PEDS1: variants seen among roughly 807,000 people sequenced by gnomAD.
PEDS1 encodes CarF homolog.
In PEDS1, 14 loss-of-function variants were observed where a neutral mutation model predicts 35.2. That is an observed-to-expected ratio of 0.40 (90% CI 0.26 to 0.62). The LOEUF (loss-of-function observed/expected upper bound fraction) is 0.62, where lower values mean the gene tolerates loss of function less well. PEDS1 is among the 20% of genes least tolerant of loss of function. The probability of loss-of-function intolerance (pLI) is 0.44; values close to 1 mark genes in which losing one functional copy is unlikely to be tolerated. For missense variants in PEDS1, 260 were observed against 367.8 expected, an observed-to-expected ratio of 0.71 and a Z score of 2.40; for synonymous variants, 152 against 152.0, an observed-to-expected ratio of 1.00 and a Z score of 0.00.
chr20:50,124,946 AG>A lies in PEDS1; in HGVS notation c.*111del, dbSNP rs1406015517. 2.0e-6 allele frequency: 3 copies of A among 1,467,356 alleles called. No homozygotes were observed. In the African/African-American group the frequency reaches 4.2e-5, roughly 21 times the overall value. 90.9% of individuals were successfully genotyped at this position (1,467,356 alleles called of 1,614,324 possible). ...GGGCTGGGGTACCTGGGCCCAGCCC[AG>A]GAGATGTCCTCTCCATCTGGAGGGG... On this transcript the variant is annotated 3_prime_UTR_variant, in exon 6 of 6. Transcript: ENST00000371652.
At position 50,124,548 on chromosome 20, in the gene PEDS1, T is replaced by C. The variant is rs2081078945; in HGVS notation, c.*510A>G. 6.4e-6 allele frequency: 1 copy of C among 155,332 alleles called. No individual in the cohort carries two copies. Among genetic ancestry groups the C allele is most frequent in the African/African-American group, 2.4e-5 (1 of 41,498 alleles). 9.6% of individuals were successfully genotyped at this position (155,332 alleles called of 1,614,324 possible). ...GACCCCTGCTGAGCTTCACCATCCT[T>C]GGGGGACAGGCTAGGCTGAAGGTGG... On this transcript the variant is annotated 3_prime_UTR_variant, in exon 6 of 6. Coordinates refer to ENST00000371652, the MANE Select transcript of PEDS1 (RefSeq NM_199129.4).
At chr20:50,153,126 T>C (rs1458001091) in intron 1 of PEDS1, among the ~76,000 whole-genome samples, 4 of 149,170 alleles carry the variant, frequency 2.7e-5, no homozygotes, top group Non-Finnish European at 5.9e-5. Context: ...GGGCAGTGCT[T>C]ACAGCTGAAG....
intron 2 of PEDS1, among the ~76,000 whole-genome samples, chr20:50,136,138 C>A (rs749993934): frequency 6.6e-6 from 1 of 152,150 alleles, no homozygotes; most frequent in African/African-American, 2.4e-5. Flanking sequence ...CTTATAACTA[C>A]CAGGCCCCGT....
At chr20:50,147,016 G>C (rs924408474) in intron 1 of PEDS1, among the ~76,000 whole-genome samples, 5 of 152,174 alleles carry the variant, frequency 3.3e-5, no homozygotes, top group Non-Finnish European at 2.9e-5. Flanking sequence ...GAGAGGCGGT[G>C]AGAAGGAAAG....
intron 2 of PEDS1, among the ~76,000 whole-genome samples, chr20:50,135,902 G>A (rs1172597190): frequency 6.6e-6 from 1 of 152,134 alleles, no homozygotes; most frequent in African/African-American, 2.4e-5. Flanking sequence ...ATCAGCAGTG[G>A]TTCACCATTT....
Position 50,121,240 on chromosome 20 carries a change from C to T in PEDS1, c.*3818G>A, listed in dbSNP as rs897366682. ...TCCAGGTCATCCCAGTCCCCAGCGT[C>T]AGCGGCCCTTTCTCAGGCATGCTGC... On this transcript the variant is annotated 3_prime_UTR_variant, in exon 6 of 6. Coordinates refer to ENST00000371652, the MANE Select transcript of PEDS1 (RefSeq NM_199129.4). 2 of 152,300 alleles carry T rather than the reference C, an allele frequency of 1.3e-5. No homozygotes were observed. Among genetic ancestry groups the T allele is most frequent in the African/African-American group, 2.4e-5 (1 of 41,456 alleles). 9.4% of individuals were successfully genotyped at this position (152,300 alleles called of 1,614,324 possible).
rs1433817654 is a variant in PEDS1, at chr20:50,128,077, G to A, written c.589C>T (p.Arg197Cys). 15 of 1,614,220 alleles carry A rather than the reference G, an allele frequency of 9.3e-6. No individual in the cohort carries two copies. Among genetic ancestry groups the A allele is most frequent in the Non-Finnish European group, 1.3e-5 (15 of 1,180,036 alleles). ...KWSHTYFGLP[R>C]WVTLLQDWHV... The stretch of plus-strand genomic sequence containing the variant: ...CAGTCCTGCAGGAGGGTGACCCAGC[G>A]TGGCAGCCCAAAGTACGTGTGCGAC... Residue 197 changes from arginine (R) to cysteine (C), a missense_variant, in exon 5 of 6, where the codon CGC becomes TGC. Around this residue, in one of 4 missense-constraint regions of PEDS1, gnomAD observed 83 missense variants for 142.8 expected, o/e 0.58. Coordinates refer to ENST00000371652, the MANE Select transcript of PEDS1 (RefSeq NM_199129.4). The surrounding 1 kb of genome is among the most constrained non-coding windows in gnomAD (Gnocchi z 5.2).
intron 5 of PEDS1, among the ~76,000 whole-genome samples, chr20:50,126,257 G>A (rs1194165407): frequency 3.3e-5 from 5 of 152,172 alleles, no homozygotes; most frequent in Admixed American, 6.5e-5. Context: ...AGCTCACCAT[G>A]AGGTAGATAC....
Position 50,124,940 on chromosome 20 carries a change from C to T in PEDS1, c.*118G>A. The stretch of plus-strand genomic sequence containing the variant: ...AGGGGTGGGCTGGGGTACCTGGGCC[C>T]AGCCCAGGAGATGTCCTCTCCATCT... On this transcript the variant is annotated 3_prime_UTR_variant, in exon 6 of 6. Coordinates refer to ENST00000371652, the MANE Select transcript of PEDS1 (RefSeq NM_199129.4). 2 of 1,427,258 alleles carry T rather than the reference C, an allele frequency of 1.4e-6. No homozygotes were observed. The highest frequency in any genetic ancestry group is 9.6e-7 in the Non-Finnish European group (1 of 1,046,002). The allele number at this position is 1,427,258 out of a possible 1,614,324, so 88.4% of individuals were successfully genotyped here. A position where few individuals can be genotyped will look rare whatever the true frequency, so the allele number is the denominator to read the frequency against.
At position 50,128,317 on chromosome 20, in the gene PEDS1, C is replaced by G. The variant is rs543087302; in HGVS notation, c.479-130G>C. 25 of 1,150,488 alleles carry G rather than the reference C, an allele frequency of 2.2e-5. No individual in the cohort carries two copies. In the East Asian group the frequency reaches 3.9e-4, roughly 18 times the overall value. The allele number at this position is 1,150,488 out of a possible 1,614,324, so 71.3% of individuals were successfully genotyped here. ...AAGCACCCAGGATTCTCTTCCACCCCCTGCAGGGCCGCAGGCAAGCTCAGG... is the reference window on the plus strand; with the variant it reads ...AAGCACCCAGGATTCTCTTCCACCCGCTGCAGGGCCGCAGGCAAGCTCAGG... On this transcript the variant is annotated intron_variant, in intron 4 of 5. Coordinates refer to ENST00000371652, the MANE Select transcript of PEDS1 (RefSeq NM_199129.4). The surrounding 1 kb of genome is among the most constrained non-coding windows in gnomAD (Gnocchi z 5.2).
intron 1 of PEDS1, among the ~76,000 whole-genome samples, chr20:50,149,107 T>C (rs920543580): frequency 1.3e-5 from 2 of 152,002 alleles, no homozygotes. Context: ...AGCAAAACCT[T>C]GTCTCAAAAA....
At chr20:50,146,365 C>T (rs1335746927) in intron 1 of PEDS1, among the ~76,000 whole-genome samples, 1 of 152,152 alleles carries the variant, frequency 6.6e-6, no homozygotes, top group African/African-American at 2.4e-5. Flanking sequence ...TCTTTCCCTA[C>T]CTAAATGTGA....
intron 2 of PEDS1, among the ~76,000 whole-genome samples, chr20:50,142,278 T>C (rs748638683): frequency 6.6e-6 from 1 of 152,232 alleles, no homozygotes; most frequent in Non-Finnish European, 1.5e-5. Flanking sequence ...GTGCCAGGCC[T>C]GAGGCTTGAG....
intron 1 of PEDS1, among the ~76,000 whole-genome samples, chr20:50,148,760 G>C (rs985108287): frequency 7.2e-5 from 11 of 152,134 alleles, no homozygotes; most frequent in Non-Finnish European, 1.6e-4. Flanking sequence ...GGGGATGAGA[G>C]ATGGACAGAG....
intron 1 of PEDS1, among the ~76,000 whole-genome samples, chr20:50,150,480 G>A (rs1268426829): frequency 1.3e-5 from 2 of 151,988 alleles, no homozygotes; most frequent in African/African-American, 4.8e-5. Context: ...CCTCCCTCCA[G>A]TCCTTCCTCC....
chr20:50,145,040 T>G (rs1281085871), intron 1 of PEDS1, among the ~76,000 whole-genome samples: 1 of 151,490 alleles, frequency 6.6e-6, no homozygotes, highest in Non-Finnish European at 1.5e-5. Context: ...CCATCTCTAC[T>G]AAAAATACAA....
chr20:50,137,568 C>A (rs1474409876), intron 2 of PEDS1, among the ~76,000 whole-genome samples: 1 of 152,120 alleles, frequency 6.6e-6, no homozygotes, highest in Non-Finnish European at 1.5e-5. Context: ...ACCTGACTAG[C>A]ACTCCTCAAA....
chr20:50,120,859 G>T lies in PEDS1; in HGVS notation c.*4199C>A. The stretch of plus-strand genomic sequence containing the variant: ...GTCTCCAGGAAAAAAAAAAGGCGGG[G>T]TGATGGAGTTTCAGTTGGGGGCAGG... On this transcript the variant is annotated 3_prime_UTR_variant, in exon 6 of 6. Coordinates refer to ENST00000371652, the MANE Select transcript of PEDS1 (RefSeq NM_199129.4). 6.5e-6 allele frequency: 1 copy of T among 152,822 alleles called. No homozygotes were observed. The highest frequency in any genetic ancestry group is 1.5e-5 in the Non-Finnish European group (1 of 68,560). 9.5% of individuals were successfully genotyped at this position (152,822 alleles called of 1,614,324 possible).
At chr20:50,135,961 A>G (rs1301097578) in intron 2 of PEDS1, among the ~76,000 whole-genome samples, 1 of 152,146 alleles carries the variant, frequency 6.6e-6, no homozygotes, top group African/African-American at 2.4e-5. Flanking sequence ...GCATTTATCC[A>G]CCTGGCCATG....
Sources: allele counts gnomAD v4.1 joint callset (sites outside exome capture counted in the v4.1 genomes callset), GRCh38; gene constraint gnomAD v4.1.1; regional missense constraint gnomAD v4.1.1; non-coding constraint Gnocchi (gnomAD v3.1); transcripts MANE v1.5; gene names NCBI Gene and HGNC (gene_info 2026-07-23, HGNC 2026-07-21).